The following PAXBP1 variants were observed in gnomAD, a reference collection of about 807,000 sequenced individuals.
The protein encoded by PAXBP1 is PAX3 and PAX7 binding protein 1.
In PAXBP1, 44 loss-of-function variants were observed where a neutral mutation model predicts 119.9. That is an observed-to-expected ratio of 0.37 (90% CI 0.29 to 0.47). PAXBP1 has a LOEUF of 0.47. PAXBP1 is among the 20% of genes least tolerant of loss of function. The pLI, the probability that PAXBP1 is intolerant of heterozygous loss-of-function variation, is 0.99. For synonymous variants in PAXBP1, 393 were observed against 406.6 expected, an observed-to-expected ratio of 0.97 and a Z score of 0.40; for missense variants, 898 against 1,134.1, an observed-to-expected ratio of 0.79 and a Z score of 2.99.
chr21:32,738,783 A>C (rs1202715680), intron 15 of PAXBP1, among the ~76,000 whole-genome samples: 1 of 152,024 alleles, frequency 6.6e-6, no homozygotes, highest in Non-Finnish European at 1.5e-5. Context: ...AAGCTACCCA[A>C]GCTCAATCAA....
intron 8 of PAXBP1, chr21:32,751,433 C>A (rs1227867318): frequency 2.2e-6 from 1 of 450,170 alleles, no homozygotes; most frequent in African/African-American, 2.0e-5. Flanking sequence ...GAAGTGATTT[C>A]TTTTTAAGAG....
At chr21:32,754,494 G>A (rs2044011701) in intron 8 of PAXBP1, among the ~76,000 whole-genome samples, 1 of 152,126 alleles carries the variant, frequency 6.6e-6, no homozygotes, top group Non-Finnish European at 1.5e-5. Context: ...CGGAAAAAAA[G>A]GAACTAAACG....
Position 32,734,779 on chromosome 21 carries a change from C to G in PAXBP1, c.*171G>C. Reference sequence around the variant, plus strand: ...ACATTCATAGACTCCTAGAAATAATCTGAATTCCTTTCATTCTGAAGAAAT... The same window carrying G: ...ACATTCATAGACTCCTAGAAATAATGTGAATTCCTTTCATTCTGAAGAAAT... On this transcript the variant is annotated 3_prime_UTR_variant, in exon 18 of 18. Transcript: ENST00000331923. 1 of 632,916 alleles carries G rather than the reference C, an allele frequency of 1.6e-6. No individual in the cohort carries two copies. 39.2% of individuals were successfully genotyped at this position (632,916 alleles called of 1,614,324 possible).
At chr21:32,757,873 A>C (rs531162957) in intron 7 of PAXBP1, among the ~76,000 whole-genome samples, 6 of 152,324 alleles carry the variant, frequency 3.9e-5, no homozygotes, top group African/African-American at 1.4e-4. Flanking sequence ...TCCACTTCCA[A>C]TCTTGACTCC....
intron 8 of PAXBP1, among the ~76,000 whole-genome samples, chr21:32,752,643 T>C (rs556656274): frequency 3.9e-5 from 6 of 152,300 alleles, no homozygotes; most frequent in East Asian, 1.9e-4. Flanking sequence ...TATCTATCTA[T>C]CTATTTATTT....
intron 2 of PAXBP1, among the ~76,000 whole-genome samples, chr21:32,768,870 A>T (rs1428476062): frequency 6.6e-6 from 1 of 152,200 alleles, no homozygotes; most frequent in African/African-American, 2.4e-5. Flanking sequence ...TTTCCAAAAC[A>T]GCTTTAGTCA....
Position 32,769,700 on chromosome 21 carries a change from G to A in PAXBP1, c.472+114C>T, listed in dbSNP as rs565244965. 5.3e-5 allele frequency: 53 copies of A among 1,001,248 alleles called. No homozygotes were observed. The African/African-American group carries it at 7.0e-4, about 13-fold the overall frequency. The allele number at this position is 1,001,248 out of a possible 1,614,324, so 62.0% of individuals were successfully genotyped here. A position where few individuals can be genotyped will look rare whatever the true frequency, so the allele number is the denominator to read the frequency against. On this transcript the variant is annotated intron_variant, in intron 2 of 17. Coordinates refer to ENST00000331923, the MANE Select transcript of PAXBP1 (RefSeq NM_016631.4). ...AGAACTGTACTGCTACTCAATAAGG[G>A]CCCTTGACAACCACAGGGTCCACTG...
rs535298809 is a variant in PAXBP1, at chr21:32,744,912, C to T, written c.2070G>A (p.Val690=). 9 of 1,595,660 alleles carry T rather than the reference C, an allele frequency of 5.6e-6. No individual in the cohort carries two copies. The South Asian group carries it at 1.0e-4, about 19-fold the overall frequency. ...AAGGGTCCCACATATTTTCAGCTATCACTATTAAGAAAAAAAGAGGATTGA... is the reference window on the plus strand; with the variant it reads ...AAGGGTCCCACATATTTTCAGCTATTACTATTAAGAAAAAAAGAGGATTGA... ...VEKVILPKLT[V]IAENMWDPFS... The change falls in exon 13 of 18, where the codon GTG becomes GTA. Residue 690 remains valine (V), a splice_region_variant and synonymous_variant. Transcript: ENST00000331923.
In PAXBP1 at chr21:32,748,551, T is replaced by C. The variant is rs753526335; in HGVS notation, c.1871A>G (p.Lys624Arg). The part of the protein sequence containing the change: ...KDAYIGLCLP[K>R]LFNPLIRLQL... ...AAGTCGTATGAGGGGGTTGAATAAT[T>C]TTGGCAAACAAAGGCCAATGTAAGC... is the stretch of plus-strand genomic sequence containing the variant. Residue 624 changes from lysine (K) to arginine (R), a missense_variant, in exon 11 of 18, where the codon AAA becomes AGA. By Grantham distance (26) the Lys-to-Arg change is conservative (BLOSUM62 2). Coordinates refer to ENST00000331923, the MANE Select transcript of PAXBP1 (RefSeq NM_016631.4). 1 of 1,614,046 alleles carries C rather than the reference T, an allele frequency of 6.2e-7. No homozygotes were observed. The highest frequency in any genetic ancestry group is 1.7e-5 in the Admixed American group (1 of 60,018).
intron 13 of PAXBP1, 37 bp downstream of exon 13, chr21:32,744,754 AG>A (rs2043847334): frequency 1.3e-6 from 2 of 1,505,448 alleles, no homozygotes; most frequent in East Asian, 2.4e-5. Flanking sequence ...CAACAGAAAG[AG>A]GAAAAAAAAA....
chr21:32,738,051 T>A, intron 16 of PAXBP1, 122 bp downstream of exon 16: 2 of 1,024,988 alleles, frequency 2.0e-6, no homozygotes, highest in Non-Finnish European at 2.7e-6. Context: ...ACTGTCAACC[T>A]TACATGCAAG....
chr21:32,765,446 C>A (rs947624999), intron 2 of PAXBP1, among the ~76,000 whole-genome samples: 1 of 152,170 alleles, frequency 6.6e-6, no homozygotes, highest in Non-Finnish European at 1.5e-5. Context: ...AAGTGCTTCA[C>A]CTTGAAGCAC....
chr21:32,760,902 C>CGTGTGTGTGTGTGTGT (rs1175775718), intron 5 of PAXBP1, among the ~76,000 whole-genome samples, 157 bp downstream of exon 5: 43 of 127,712 alleles, frequency 3.4e-4, no homozygotes, highest in Non-Finnish European at 5.2e-4. Flanking sequence ...TGCGTGCGTG[C>CGTGTGTGTGTGTGTGT]GTGTGTGTGT....
intron 8 of PAXBP1, 118 bp from the exon 9 acceptor site, chr21:32,751,336 A>T (rs1227552492): frequency 1.2e-6 from 1 of 836,758 alleles, no homozygotes; most frequent in African/African-American, 1.7e-5. Context: ...AAGATTCTGC[A>T]ATAACTGGTA....
rs13047447 is a variant in PAXBP1 at position 32,734,137 on chromosome 21, C to A, written c.*813G>T. ...GGCGTATTCTTTATTGCATATTTAA[C>A]TCACATATGTGGGATTTTAAATATG... On this transcript the variant is annotated 3_prime_UTR_variant, in exon 18 of 18. Coordinates refer to ENST00000331923, the MANE Select transcript of PAXBP1 (RefSeq NM_016631.4). The A allele has an allele frequency of 0.018, 2,706 of 152,736 alleles. 44 individuals carry two copies. The highest frequency in any genetic ancestry group is 0.025 in the Non-Finnish European group (1,720 of 68,028). 9.5% of individuals were successfully genotyped at this position (152,736 alleles called of 1,614,324 possible).
At position 32,755,278 on chromosome 21, in the gene PAXBP1, G is replaced by A. The variant is rs1482017934; in HGVS notation, c.1459C>T (p.Arg487Ter). 1.9e-6 allele frequency: 3 copies of A among 1,613,522 alleles called. No individual in the cohort carries two copies. Among genetic ancestry groups the A allele is most frequent in the Non-Finnish European group, 2.5e-6 (3 of 1,179,672 alleles). Residue 487 changes from arginine (R) to a stop codon, truncating the protein, a stop_gained, in exon 8 of 18, where the codon CGA becomes TGA. Coordinates refer to ENST00000331923, the MANE Select transcript of PAXBP1 (RefSeq NM_016631.4). LOFTEE classifies it high-confidence loss of function. ...GATTCATCTTTAATATCATCTTGTC[G>A]TCTTTGGACAAGGCGGGAAGCTCGC... ...KQRASRLVQR[R>*]QDDIKDESSE...
At chr21:32,738,581 T>C (rs551609995) in intron 15 of PAXBP1, among the ~76,000 whole-genome samples, 8 of 152,170 alleles carry the variant, frequency 5.3e-5, no homozygotes, top group South Asian at 2.1e-4. Context: ...TTTTCCATCA[T>C]TGCAGACAGT....
intron 1 of PAXBP1, among the ~76,000 whole-genome samples, chr21:32,770,623 A>G (rs965775520): frequency 6.6e-6 from 1 of 152,228 alleles, no homozygotes; most frequent in East Asian, 1.9e-4. Flanking sequence ...TGGTCAGAAG[A>G]AAAGATTTAA....
In PAXBP1 at chr21:32,737,382, C is replaced by A. The variant is rs2043707426; in HGVS notation, c.2508G>T (p.Trp836Cys). ...QNVINCFPKQ[W>C]FMNLKGERTI... ...TCCTTTCTCCTTTCAGATTCATGAA[C>A]CATTGTTTGGGGAAACAATTGATTA... The change falls in exon 17 of 18, where the codon TGG becomes TGT. Residue 836 changes from tryptophan (W) to cysteine (C), a missense_variant. Physicochemically the swap from Trp to Cys is radical, Grantham distance 215. Around this residue, in one of 2 missense-constraint regions of PAXBP1, gnomAD observed 599 missense variants for 852.7 expected, o/e 0.70. Coordinates refer to ENST00000331923, the MANE Select transcript of PAXBP1 (RefSeq NM_016631.4). 1.2e-6 allele frequency: 2 copies of A among 1,604,674 alleles called. No individual in the cohort carries two copies. Among genetic ancestry groups the A allele is most frequent in the South Asian group, 2.2e-5 (2 of 89,702 alleles).
Sources: gnomAD v4.1 joint callset for allele counts (sites outside exome capture counted in the v4.1 genomes callset) on GRCh38, gnomAD v4.1.1 for gene constraint, gnomAD v4.1.1 regional missense constraint, MANE v1.5 for transcripts, NCBI Gene and HGNC (gene_info 2026-07-23, HGNC 2026-07-21) for gene names.